UBR3: variants seen among roughly 807,000 people sequenced by gnomAD.
UBR3 encodes ubiquitin protein ligase E3 component n-recognin 3.
A neutral mutation model predicts 243.2 loss-of-function variants in UBR3; 85 were observed. That is an observed-to-expected ratio of 0.35 (90% CI 0.29 to 0.42). The LOEUF (loss-of-function observed/expected upper bound fraction) is 0.42. Among genes scored for constraint, UBR3 ranks in the 10% least tolerant of loss-of-function variants. The pLI, the probability that UBR3 is intolerant of heterozygous loss-of-function variation, is 1.00. For synonymous variants in UBR3, 748 were observed against 799.8 expected (o/e 0.94, Z 1.09); for missense variants, 1,686 against 2,300.8 (o/e 0.73, Z 5.47).
rs574989413 is a variant in UBR3, at chr2:169,998,342, C to A, written c.3919-2962C>A. ...AATTATTCATTTCTAGAAAAAAAAT[C>A]TTTTTTATAAAAAGTCTCCGAGCTG... On this transcript the variant is annotated intron_variant, in intron 26 of 38. Transcript: ENST00000272793. 1.7e-4 allele frequency among the ~76,000 whole-genome samples: 26 copies of A among 152,156 alleles called. No homozygotes were observed. In the South Asian group the frequency reaches 5.4e-3, roughly 32 times the overall value.
chr2:170,019,700 A>G (rs1433382347), intron 30 of UBR3, among the ~76,000 whole-genome samples: 1 of 152,174 alleles, frequency 6.6e-6, no homozygotes, highest in African/African-American at 2.4e-5. Context: ...AAAATTATAG[A>G]AAATTATTTT....
intron 1 of UBR3, among the ~76,000 whole-genome samples, chr2:169,857,472 A>C (rs956307757): frequency 2.6e-5 from 4 of 151,930 alleles, no homozygotes; most frequent in Non-Finnish European, 1.5e-5. Context: ...GCTGGAGTGC[A>C]ATTGTGCGAT....
In UBR3 at chr2:170,061,435, A is replaced by G. The variant is rs747516429; in HGVS notation, c.5011A>G (p.Ser1671Gly). 1.9e-6 allele frequency: 3 copies of G among 1,612,768 alleles called. No individual in the cohort carries two copies. Among genetic ancestry groups the G allele is most frequent in the South Asian group, 1.1e-5 (1 of 90,886 alleles). Residue 1671 changes from serine (S) to glycine (G), a missense_variant, in exon 35 of 39, where the codon AGC becomes GGC. This residue lies in a region of UBR3 where 371 missense variants were observed against 422.5 expected (regional missense o/e 0.88). Coordinates refer to ENST00000272793, the MANE Select transcript of UBR3 (RefSeq NM_172070.4). ...QHHLFGEDLP[S>G]CQEEEEFSVL... ...CCACCTTTTTGGGGAAGATTTACCT[A>G]GCTGCCAGGTAGATAATTTGGGATA...
intron 24 of UBR3, among the ~76,000 whole-genome samples, chr2:169,976,450 G>A (rs2088449383): frequency 1.3e-5 from 2 of 152,066 alleles, no homozygotes; most frequent in South Asian, 4.1e-4. Flanking sequence ...GTCTAGTGGT[G>A]ATGAATTCCC....
chr2:170,073,100 G>GC (rs573560922), intron 35 of UBR3, among the ~76,000 whole-genome samples: 272 of 152,052 alleles, frequency 1.8e-3, no homozygotes, highest in African/African-American at 6.2e-3. Flanking sequence ...CTTTCTCTTT[G>GC]CCCCATATTA....
chr2:170,028,849 T>C (rs992836297), intron 30 of UBR3, among the ~76,000 whole-genome samples: 1 of 151,896 alleles, frequency 6.6e-6, no homozygotes, highest in African/African-American at 2.4e-5. Context: ...TTTCAGTTAC[T>C]TTTTCTTTAT....
intron 1 of UBR3, among the ~76,000 whole-genome samples, chr2:169,841,641 C>G (rs2082292736): frequency 6.6e-6 from 1 of 152,232 alleles, no homozygotes; most frequent in South Asian, 2.1e-4. Flanking sequence ...CCAGCCAGCC[C>G]TGCTGGCCCC....
At chr2:169,988,516 T>G (rs1401665608) in intron 25 of UBR3, among the ~76,000 whole-genome samples, 1 of 152,126 alleles carries the variant, frequency 6.6e-6, no homozygotes, top group Non-Finnish European at 1.5e-5. Context: ...AATAAGAAAC[T>G]AATATTGCCA....
chr2:169,833,621 G>A (rs4668170), intron 1 of UBR3, among the ~76,000 whole-genome samples: 148,723 of 152,234 alleles, frequency 0.98, 72,730 homozygotes, highest in East Asian at 1. Flanking sequence ...TCTTTTTTTA[G>A]TTTCAGAAGT....
Position 170,001,294 on chromosome 2 carries a change from T to A in UBR3, c.3919-10T>A, listed in dbSNP as rs1177666779. On this transcript the variant is annotated splice_polypyrimidine_tract_variant and intron_variant, in intron 26 of 38. Transcript: ENST00000272793. ...AAATTAATTGTATTTGTCTTCTTTT[T>A]ATTTTGAAGAGTTCATGTCTCTTGG... The A allele has an allele frequency of 6.3e-7, 1 of 1,580,064 alleles. No homozygotes were observed. The highest frequency in any genetic ancestry group is 1.1e-5 in the South Asian group (1 of 89,684).
chr2:170,017,579 ACACAGG>A (rs1481542727), intron 30 of UBR3, among the ~76,000 whole-genome samples: 1 of 96,602 alleles, frequency 1.0e-5, no homozygotes, highest in African/African-American at 4.4e-5. Flanking sequence ...ACACACACAC[ACACAGG>A]GGGAGAAGGG....
intron 36 of UBR3, chr2:170,078,142 A>G (rs2091848749): frequency 1.7e-6 from 1 of 599,128 alleles, no homozygotes; most frequent in Non-Finnish European, 3.1e-6. Flanking sequence ...GGTGCTGTTT[A>G]AGATAAAGCT....
chr2:169,946,625 C>T (rs2086800021), intron 21 of UBR3, among the ~76,000 whole-genome samples: 1 of 151,890 alleles, frequency 6.6e-6, no homozygotes, highest in Non-Finnish European at 1.5e-5. Context: ...TTTTTTAGGG[C>T]CTTCATTGAT....
At chr2:170,069,238 A>C (rs1249564113) in intron 35 of UBR3, among the ~76,000 whole-genome samples, 5 of 152,186 alleles carry the variant, frequency 3.3e-5, no homozygotes, top group Admixed American at 3.3e-4. Flanking sequence ...TTAGCAATAG[A>C]AAGGATAGTA....
intron 24 of UBR3, among the ~76,000 whole-genome samples, chr2:169,965,181 A>G (rs1047491174): frequency 1.3e-5 from 2 of 152,126 alleles, no homozygotes; most frequent in Admixed American, 1.3e-4. Flanking sequence ...TTTAATGACT[A>G]TTTACATGTC....
intron 11 of UBR3, among the ~76,000 whole-genome samples, chr2:169,922,819 A>G (rs2105344954): frequency 6.6e-6 from 1 of 152,258 alleles, no homozygotes; most frequent in Admixed American, 6.5e-5. Flanking sequence ...ATTTATTAGA[A>G]CAAATTTTTA....
chr2:169,901,850 G>T (rs2084835176), intron 8 of UBR3, among the ~76,000 whole-genome samples: 1 of 152,146 alleles, frequency 6.6e-6, no homozygotes, highest in East Asian at 1.9e-4. Flanking sequence ...AACAGTCTTT[G>T]TAAAGTGGAA....
At chr2:170,052,695 A>G (rs1458738007) in intron 32 of UBR3, among the ~76,000 whole-genome samples, 2 of 152,208 alleles carry the variant, frequency 1.3e-5, no homozygotes, top group Non-Finnish European at 2.9e-5. Flanking sequence ...GGTGGGGAAA[A>G]TGGGGAGATG....
chr2:169,891,014 T>G, intron 5 of UBR3, 151 bp from the exon 6 acceptor site: 2 of 408,230 alleles, frequency 4.9e-6, no homozygotes, highest in Non-Finnish European at 8.6e-6. Context: ...AAATTAACAC[T>G]AAAATATATA....
Sources: allele counts gnomAD v4.1 joint callset (sites outside exome capture counted in the v4.1 genomes callset), GRCh38; gene constraint gnomAD v4.1.1; regional missense constraint gnomAD v4.1.1; transcripts MANE v1.5; gene names NCBI Gene and HGNC (gene_info 2026-07-23, HGNC 2026-07-21).